Variants in EIPR1 observed in about 807,000 individuals in gnomAD.
EIPR1 encodes the protein EARP complex and GARP complex interacting protein 1.
A neutral mutation model predicts 48.1 loss-of-function variants in EIPR1; 25 were observed. That is an observed-to-expected ratio of 0.52 (90% CI 0.38 to 0.73). The LOEUF is 0.73. EIPR1 is among the 30% of genes least tolerant of loss of function. EIPR1 has a pLI of 0.00. For missense variants in EIPR1, 415 were observed against 506.2 expected (o/e 0.82, Z 1.73); for synonymous variants, 204 against 201.9 (o/e 1.01, Z -0.09).
intron 8 of EIPR1, among the ~76,000 whole-genome samples, chr2:3,190,318 G>A (rs557147861): frequency 1.2e-4 from 19 of 152,282 alleles, no homozygotes; most frequent in African/African-American, 3.6e-4. Flanking sequence ...TTTGTGTACC[G>A]CATTCTAACT....
chr2:3,267,162 G>A (rs1365919493), intron 3 of EIPR1, among the ~76,000 whole-genome samples: 1 of 152,222 alleles, frequency 6.6e-6, no homozygotes. Context: ...CCAACCTGCG[G>A]CTATTTCTCC....
chr2:3,250,507 G>A (rs574789485), intron 4 of EIPR1, among the ~76,000 whole-genome samples: 105 of 152,310 alleles, frequency 6.9e-4, no homozygotes, highest in African/African-American at 2.4e-3. Context: ...TTGAGTTGGG[G>A]CTGGAACAAG....
At position 3,323,997 on chromosome 2, in the gene EIPR1, T is replaced by C. The variant is rs116083271; in HGVS notation, c.259+14020A>G. ...GGCCCAGACATGTAGGAAAACTGAA[T>C]TCACAGCGCCAGTGTGAAAACAATG... On this transcript the variant is annotated intron_variant, in intron 3 of 8. Transcript: ENST00000382125. 5.8e-3 allele frequency among the ~76,000 whole-genome samples: 877 copies of C among 152,254 alleles called. 10 individuals carry two copies. The highest frequency in any genetic ancestry group is 0.02 in the African/African-American group (835 of 41,560).
At chr2:3,208,812 A>G (rs1416186395) in intron 5 of EIPR1, 4 of 1,549,510 alleles carry the variant, frequency 2.6e-6, no homozygotes, top group African/African-American at 2.7e-5. Context: ...TCCTTCTGTG[A>G]GTGAGGCCCG....
chr2:3,238,214 C>T (rs114897927), intron 4 of EIPR1, among the ~76,000 whole-genome samples: 304 of 152,316 alleles, frequency 2.0e-3, no homozygotes, highest in African/African-American at 7.0e-3. Flanking sequence ...CATCCAAACT[C>T]AATCATGTGT....
Position 3,271,855 on chromosome 2 carries a change from C to T in EIPR1, c.260-14400G>A, listed in dbSNP as rs547709647. The stretch of plus-strand genomic sequence containing the variant: ...CTTTGAAGCCAAGCTTTGACTTCTC[C>T]TCTTTTGCTATGAAAGTCCTAGATG... On this transcript the variant is annotated intron_variant, in intron 3 of 8. Transcript: ENST00000382125. 2.6e-5 allele frequency among the ~76,000 whole-genome samples: 4 copies of T among 151,906 alleles called. No homozygotes were observed. The East Asian group carries it at 7.7e-4, about 29-fold the overall frequency.
chr2:3,372,247 A>G (rs1358028359), intron 1 of EIPR1, among the ~76,000 whole-genome samples: 1 of 151,152 alleles, frequency 6.6e-6, no homozygotes, highest in Non-Finnish European at 1.5e-5. Flanking sequence ...GTAGAGGGAA[A>G]TTTATAGCAC....
At chr2:3,282,218 G>A (rs974416900) in intron 3 of EIPR1, among the ~76,000 whole-genome samples, 5 of 152,202 alleles carry the variant, frequency 3.3e-5, no homozygotes, top group Non-Finnish European at 5.9e-5. Flanking sequence ...CCAGCCCCGG[G>A]CCACCGTCAG....
At chr2:3,322,924 G>A (rs548856876) in intron 3 of EIPR1, among the ~76,000 whole-genome samples, 8 of 152,226 alleles carry the variant, frequency 5.3e-5, no homozygotes, top group Non-Finnish European at 1.2e-4. Context: ...TGGGTGATCT[G>A]GCTGGGATGC....
At chr2:3,363,108 C>T (rs1390807575) in intron 1 of EIPR1, among the ~76,000 whole-genome samples, 1 of 152,132 alleles carries the variant, frequency 6.6e-6, no homozygotes, top group Non-Finnish European at 1.5e-5. Context: ...AACACTATGT[C>T]GTCAGCATTC....
intron 1 of EIPR1, among the ~76,000 whole-genome samples, chr2:3,359,087 C>G (rs910910844): frequency 1.3e-5 from 2 of 152,066 alleles, no homozygotes; most frequent in Non-Finnish European, 2.9e-5. Context: ...GAGACAAACA[C>G]TCAAAAAGAT....
At chr2:3,230,268 T>C (rs1317166521) in intron 4 of EIPR1, among the ~76,000 whole-genome samples, 4 of 152,224 alleles carry the variant, frequency 2.6e-5, no homozygotes, top group Non-Finnish European at 5.9e-5. Context: ...CACACACGTC[T>C]TGGCCATGTG....
At chr2:3,220,470 C>T (rs1203265394) in intron 4 of EIPR1, among the ~76,000 whole-genome samples, 1 of 151,974 alleles carries the variant, frequency 6.6e-6, no homozygotes, top group Non-Finnish European at 1.5e-5. Flanking sequence ...GAGTCAGGTG[C>T]ACATGTGCAT....
At chr2:3,198,498 A>G (rs1404041076) in intron 5 of EIPR1, among the ~76,000 whole-genome samples, 6 of 152,194 alleles carry the variant, frequency 3.9e-5, no homozygotes, top group African/African-American at 1.4e-4. Flanking sequence ...ACATTTTTGG[A>G]AACTGAAAGC....
In EIPR1 at chr2:3,312,641, C is replaced by A. The variant is rs551708889; in HGVS notation, c.259+25376G>T. On this transcript the variant is annotated intron_variant, in intron 3 of 8. Transcript: ENST00000382125. The surrounding 1 kb of genome is among the most constrained non-coding windows in gnomAD (Gnocchi z 5.5). ...AAAGCTTTGCAGGGAGAAGGACCCA[C>A]GATGCCACTGCCTCTGTGCTCAGGG... Among the ~76,000 whole-genome samples the A allele has an allele frequency of 1.3e-5, 2 of 152,286 alleles. No homozygotes were observed. Among genetic ancestry groups the A allele is most frequent in the East Asian group, 1.9e-4 (1 of 5,174 alleles).
chr2:3,305,847 C>T (rs773448489), intron 3 of EIPR1, among the ~76,000 whole-genome samples: 8 of 152,230 alleles, frequency 5.3e-5, no homozygotes, highest in Non-Finnish European at 1.2e-4. Context: ...CTCACCTCCT[C>T]CCAGGCGGTT....
chr2:3,189,582 G>C lies in EIPR1; in HGVS notation c.990-74C>G. The C allele has an allele frequency of 7.2e-7, 1 of 1,391,422 alleles. No homozygotes were observed. The allele number at this position is 1,391,422 out of a possible 1,614,324, so 86.2% of individuals were successfully genotyped here. A position where few individuals can be genotyped will look rare whatever the true frequency, so the allele number is the denominator to read the frequency against. ...GGCAGGAGAGGGGCAGGGAGGACGC[G>C]AGCGCTGACATCGGGAGACACGGGA... On this transcript the variant is annotated intron_variant, in intron 8 of 8. Transcript: ENST00000382125. This position sits in a 1 kb window ranked among gnomAD's most constrained non-coding sequence, Gnocchi z 4.6.
At chr2:3,310,792 T>C (rs1572426258) in intron 3 of EIPR1, among the ~76,000 whole-genome samples, 1 of 152,068 alleles carries the variant, frequency 6.6e-6, no homozygotes, top group African/African-American at 2.4e-5. Flanking sequence ...TATGTCTCAA[T>C]GGTATACAAA....
intron 3 of EIPR1, among the ~76,000 whole-genome samples, chr2:3,334,864 G>A (rs1290779978): frequency 6.6e-6 from 1 of 152,244 alleles, no homozygotes; most frequent in African/African-American, 2.4e-5. Context: ...AAGTCTGGCA[G>A]AAAGAGTCAG....
Sources: allele counts gnomAD v4.1 joint callset (sites outside exome capture counted in the v4.1 genomes callset), GRCh38; gene constraint gnomAD v4.1.1; non-coding constraint Gnocchi (gnomAD v3.1); transcripts MANE v1.5; gene names NCBI Gene and HGNC (gene_info 2026-07-23, HGNC 2026-07-21).